Variants in EHD3 observed in about 807,000 individuals in gnomAD.
EHD3 encodes the protein EH domain containing 3.
EHD3 carries 17 observed loss-of-function variants against 43.0 expected under a neutral mutation model. The observed-to-expected ratio is 0.40, with a 90% CI of 0.27 to 0.59. EHD3 has a LOEUF of 0.59. Among genes scored for constraint, EHD3 ranks in the 20% least tolerant of loss-of-function variants. EHD3 has a pLI of 0.49. For missense variants in EHD3, 594 were observed against 705.6 expected (o/e 0.84, Z 1.79); for synonymous variants, 313 against 289.5 (o/e 1.08, Z -0.82).
At chr2:31,234,941 A>C in intron 1 of EHD3, 93 bp downstream of exon 1, 5 of 1,210,448 alleles carry the variant, frequency 4.1e-6, no homozygotes, top group Non-Finnish European at 6.0e-6. Context: ...CAGGGGACCA[A>C]TGGGAAGCCT....
At chr2:31,252,188 TA>T (rs1438232426) in intron 3 of EHD3, among the ~76,000 whole-genome samples, 1 of 152,174 alleles carries the variant, frequency 6.6e-6, no homozygotes, top group African/African-American at 2.4e-5. Flanking sequence ...GGGGTAATGA[TA>T]TGTACCACAC....
intron 1 of EHD3, among the ~76,000 whole-genome samples, chr2:31,243,052 G>A (rs1572463020): frequency 1.3e-5 from 2 of 152,072 alleles, no homozygotes; most frequent in African/African-American, 2.4e-5. Context: ...CAAGGCAGGC[G>A]GATCACCTGA....
chr2:31,243,443 T>C (rs1683458175), intron 1 of EHD3, among the ~76,000 whole-genome samples: 1 of 95,590 alleles, frequency 1.0e-5, no homozygotes, highest in Admixed American at 1.3e-4. Flanking sequence ...TTTCTTTCTT[T>C]CTTTCTTTCT....
chr2:31,235,270 G>A (rs1464465209), intron 1 of EHD3, among the ~76,000 whole-genome samples: 1 of 152,008 alleles, frequency 6.6e-6, no homozygotes, highest in Non-Finnish European at 1.5e-5. Context: ...GTTTTTCAAG[G>A]GGCTTGGCAC....
At position 31,266,216 on chromosome 2, in the gene EHD3, C is replaced by T; in HGVS notation, c.1120C>T (p.Leu374=). 1 of 1,613,642 alleles carries T rather than the reference C, an allele frequency of 6.2e-7. No homozygotes were observed. The highest frequency in any genetic ancestry group is 1.1e-5 in the South Asian group (1 of 91,064). ...CCAGGACTTTAGCAAGTTCCAGCCG[C>T]TGAAGAGCAAGCTGCTGGAGGTAGT... ...QAQDFSKFQP[L]KSKLLEVVDD... Residue 374 remains leucine (L), a synonymous_variant, in exon 6 of 6, where the codon CTG becomes TTG. Transcript: ENST00000322054. This position sits in a 1 kb window ranked among gnomAD's most constrained non-coding sequence, Gnocchi z 5.1.
Position 31,260,906 on chromosome 2 carries a change from G to A in EHD3, c.899G>A (p.Arg300Lys). The change falls in exon 4 of 6, where the codon AGG (arginine) becomes AAG (lysine). Residue 300 changes from arginine (R) to lysine (K), a missense_variant. Coordinates refer to ENST00000322054, the MANE Select transcript of EHD3 (RefSeq NM_014600.3). This position sits in a 1 kb window ranked among gnomAD's most constrained non-coding sequence, Gnocchi z 4.6. ...CGCAAGCTCAACGACCTCATCAAAAGGGCCAGGCTGGCCAAGGTGAGGCAG... is the reference window on the plus strand; with the variant it reads ...CGCAAGCTCAACGACCTCATCAAAAAGGCCAGGCTGGCCAAGGTGAGGCAG... Reference protein sequence around the residue: ...ALRKLNDLIKRARLAKVHAYI... With the variant: ...ALRKLNDLIKKARLAKVHAYI... 1 of 1,607,504 alleles carries A rather than the reference G, an allele frequency of 6.2e-7. No homozygotes were observed. The highest frequency in any genetic ancestry group is 8.5e-7 in the Non-Finnish European group (1 of 1,176,580).
Position 31,266,378 on chromosome 2 carries a change from G to T in EHD3, c.1282G>T (p.Glu428Ter), listed in dbSNP as rs768729676. 1 of 1,614,156 alleles carries T rather than the reference G, an allele frequency of 6.2e-7. No individual in the cohort carries two copies. Among genetic ancestry groups the T allele is most frequent in the Admixed American group, 1.7e-5 (1 of 60,020 alleles). The change falls in exon 6 of 6, where the codon GAG becomes TAG. Residue 428 changes from glutamate (E) to a stop codon, truncating the protein, a stop_gained. Coordinates refer to ENST00000322054, the MANE Select transcript of EHD3 (RefSeq NM_014600.3). LOFTEE classifies it high-confidence loss of function. The surrounding 1 kb of genome is among the most constrained non-coding windows in gnomAD (Gnocchi z 5.1). The part of the protein sequence containing the change: ...LHGPFGHGYG[E>*]GAGEGIDDAE... ...CGGCCCCTTTGGGCATGGCTATGGG[G>T]AGGGGGCTGGAGAAGGTATCGATGA...
intron 1 of EHD3, among the ~76,000 whole-genome samples, chr2:31,243,103 C>T (rs937108114): frequency 3.3e-5 from 5 of 152,010 alleles, no homozygotes; most frequent in African/African-American, 7.3e-5. Context: ...ATGGGGAAGC[C>T]CCGTCTTTAC....
intron 3 of EHD3, among the ~76,000 whole-genome samples, chr2:31,259,525 G>C (rs1393190232): frequency 3.9e-5 from 6 of 152,142 alleles, no homozygotes; most frequent in African/African-American, 1.2e-4. Context: ...TAACCAGTCT[G>C]ACCTAAAGCA....
At chr2:31,265,654 G>T (rs577567302) in intron 5 of EHD3, among the ~76,000 whole-genome samples, 1 of 152,266 alleles carries the variant, frequency 6.6e-6, no homozygotes, top group African/African-American at 2.4e-5. Flanking sequence ...TTCACTAAGT[G>T]GGGATAGAAT....
chr2:31,264,311 G>A (rs2148724541), intron 5 of EHD3, among the ~76,000 whole-genome samples: 1 of 152,236 alleles, frequency 6.6e-6, no homozygotes, highest in Middle Eastern at 3.4e-3. Context: ...AAGATAAACA[G>A]TGGTATACTT....
At chr2:31,238,093 T>G (rs76899885) in intron 1 of EHD3, among the ~76,000 whole-genome samples, 1 of 152,260 alleles carries the variant, frequency 6.6e-6, no homozygotes, top group African/African-American at 2.4e-5. Context: ...TTTTTAACTT[T>G]AAAATTTTTG....
At chr2:31,265,285 G>A (rs975481490) in intron 5 of EHD3, among the ~76,000 whole-genome samples, 6 of 152,082 alleles carry the variant, frequency 3.9e-5, no homozygotes, top group Admixed American at 6.5e-5. Flanking sequence ...ATCATTATCC[G>A]GTATTATGTA....
intron 1 of EHD3, among the ~76,000 whole-genome samples, chr2:31,240,857 C>T (rs2148715811): frequency 6.6e-6 from 1 of 152,286 alleles, no homozygotes; most frequent in East Asian, 1.9e-4. Context: ...TCCCTACTTC[C>T]CGCAATCCAC....
At chr2:31,255,582 C>A (rs540297675) in intron 3 of EHD3, among the ~76,000 whole-genome samples, 1 of 152,076 alleles carries the variant, frequency 6.6e-6, no homozygotes, top group Non-Finnish European at 1.5e-5. Flanking sequence ...TTTGAGATAC[C>A]GCCATTCCTA....
Position 31,266,185 on chromosome 2 carries a change from GCAGGCC to G in EHD3, c.1094_1099del (p.Ala365_Gln366del), listed in dbSNP as rs1158231757. 6 of 1,609,272 alleles carry G rather than the reference GCAGGCC, an allele frequency of 3.7e-6. No homozygotes were observed. Among genetic ancestry groups the G allele is most frequent in the Admixed American group, 1.7e-5 (1 of 59,894 alleles). On this transcript the variant is annotated inframe_deletion, in exon 6 of 6. Transcript: ENST00000322054. The surrounding 1 kb of genome is among the most constrained non-coding windows in gnomAD (Gnocchi z 5.1). ...TCTCCTCCTCTTCCCAGGACCAGCTGCAGGCCCAGGACTTTAGCAAGTTCCAGCCGC... is the reference window on the plus strand; with the variant it reads ...TCTCCTCCTCTTCCCAGGACCAGCTGCAGGACTTTAGCAAGTTCCAGCCGC...
At chr2:31,247,947 C>T (rs920537690) in intron 2 of EHD3, among the ~76,000 whole-genome samples, 2 of 152,208 alleles carry the variant, frequency 1.3e-5, no homozygotes, top group African/African-American at 4.8e-5. Flanking sequence ...CCTATGAAAT[C>T]GTGAGGTTCT....
rs554284714 is a variant in EHD3 at position 31,267,301 on chromosome 2, C to T, written c.*597C>T. 1 of 152,320 alleles carries T rather than the reference C, an allele frequency of 6.6e-6. No individual in the cohort carries two copies. Among genetic ancestry groups the T allele is most frequent in the East Asian group, 1.9e-4 (1 of 5,174 alleles). 9.4% of individuals were successfully genotyped at this position (152,320 alleles called of 1,614,324 possible). On this transcript the variant is annotated 3_prime_UTR_variant, in exon 6 of 6. Coordinates refer to ENST00000322054, the MANE Select transcript of EHD3 (RefSeq NM_014600.3). ...CCTCTGTCTTCTTCGGCAAACCTTG[C>T]TTTGAACTCTGCCAGTATTTCATTT...
intron 1 of EHD3, among the ~76,000 whole-genome samples, chr2:31,238,925 A>C: frequency 6.6e-6 from 1 of 151,856 alleles, no homozygotes; most frequent in South Asian, 2.1e-4. Flanking sequence ...CTCCTTGGGG[A>C]GGCTGGGCTG....
Sources: allele counts gnomAD v4.1 joint callset (sites outside exome capture counted in the v4.1 genomes callset), GRCh38; gene constraint gnomAD v4.1.1; non-coding constraint Gnocchi (gnomAD v3.1); transcripts MANE v1.5; gene names NCBI Gene and HGNC (gene_info 2026-07-23, HGNC 2026-07-21).